NSD3: variants seen among roughly 807,000 people sequenced by gnomAD.
The protein encoded by NSD3 is histone-lysine N-methyltransferase NSD3.
In NSD3, 24 loss-of-function variants were observed where a neutral mutation model predicts 160.8. The ratio of observed to expected loss-of-function variants is 0.15; its 90% confidence interval spans 0.11 to 0.21. The LOEUF (loss-of-function observed/expected upper bound fraction) is 0.21. Among genes scored for constraint, NSD3 ranks in the 10% least tolerant of loss-of-function variants. The pLI is 1.00. For missense variants in NSD3, 1,157 were observed against 1,735.9 expected (o/e 0.67, Z 5.93); for synonymous variants, 520 against 600.0 (o/e 0.87, Z 1.95).
rs1305742516 is a variant in NSD3, at chr8:38,348,179, C to T, written c.-8G>A. On this transcript the variant is annotated 5_prime_UTR_variant, in exon 2 of 24. Transcript: ENST00000317025. ...AGAGAAAGAGAAATCCATTGTTCTG[C>T]TCCAGCATCCTTAACTTTCCCTTTC... The T allele has an allele frequency of 1.3e-6, 2 of 1,554,198 alleles. No individual in the cohort carries two copies. Among genetic ancestry groups the T allele is most frequent in the Non-Finnish European group, 1.7e-6 (2 of 1,152,376 alleles).
intron 1 of NSD3, among the ~76,000 whole-genome samples, chr8:38,352,488 A>T (rs535034917): frequency 1.3e-4 from 20 of 152,362 alleles, no homozygotes; most frequent in African/African-American, 4.8e-4. Context: ...TCTGGTTCAT[A>T]GGTAAAAGAA....
chr8:38,372,814 TAA>T (rs750072695), intron 1 of NSD3, among the ~76,000 whole-genome samples: 12 of 121,816 alleles, frequency 9.9e-5, no homozygotes, highest in African/African-American at 3.0e-4. Context: ...TTACTATTAT[TAA>T]AAAAAAAAAA....
rs1410171636 is a variant in NSD3 at position 38,318,407 on chromosome 8, A to T, written c.1855+488T>A. On this transcript the variant is annotated intron_variant, in intron 9 of 23. Transcript: ENST00000317025. This position sits in a 1 kb window ranked among gnomAD's most constrained non-coding sequence, Gnocchi z 5.3. ...ATCTCAAATAGATTCGCATAAGGTC[A>T]TCTAATAGTGGCCATAAATGCTATG... 6.6e-6 allele frequency among the ~76,000 whole-genome samples: 1 copy of T among 152,222 alleles called. No homozygotes were observed. Among genetic ancestry groups the T allele is most frequent in the Non-Finnish European group, 1.5e-5 (1 of 68,042 alleles).
chr8:38,276,185 T>G (rs930158547), intron 23 of NSD3, 111 bp downstream of exon 23: 2 of 1,257,968 alleles, frequency 1.6e-6, no homozygotes, highest in African/African-American at 3.0e-5. Flanking sequence ...AATTTTTCGC[T>G]ATTGTTTGTT....
chr8:38,318,708 G>A lies in NSD3; in HGVS notation c.1855+187C>T, dbSNP rs1247792255. ...TACCAAAACAAGTAAGACTTTTCAC[G>A]TGGAGGTACAGAATAAGATCAACTC... On this transcript the variant is annotated intron_variant, in intron 9 of 23. Transcript: ENST00000317025. This position sits in a 1 kb window ranked among gnomAD's most constrained non-coding sequence, Gnocchi z 5.3. 6.6e-6 allele frequency among the ~76,000 whole-genome samples: 1 copy of A among 152,108 alleles called. No homozygotes were observed. Among genetic ancestry groups the A allele is most frequent in the Admixed American group, 6.5e-5 (1 of 15,272 alleles).
chr8:38,330,458 G>C (rs908019046), intron 5 of NSD3, among the ~76,000 whole-genome samples: 10 of 152,138 alleles, frequency 6.6e-5, no homozygotes, highest in African/African-American at 2.4e-4. Context: ...AGGTAGACCT[G>C]AATTATAGTT....
At chr8:38,300,211 G>A (rs541111175) in intron 14 of NSD3, among the ~76,000 whole-genome samples, 1 of 152,116 alleles carries the variant, frequency 6.6e-6, no homozygotes, top group African/African-American at 2.4e-5. Flanking sequence ...ACTCAGACTG[G>A]AGGGTAGTGG....
Position 38,315,894 on chromosome 8 carries a change from AC to A in NSD3, c.1986+17del. On this transcript the variant is annotated intron_variant, in intron 10 of 23. Transcript: ENST00000317025. ...GTTCAAGAAAGAACACTTTGTCCAG[AC>A]CCTTGCACATATTTACCTGCAGGTC... 1 of 1,611,310 alleles carries A rather than the reference AC, an allele frequency of 6.2e-7. No homozygotes were observed.
chr8:38,307,372 T>C (rs1377523033), intron 12 of NSD3, among the ~76,000 whole-genome samples: 2 of 150,864 alleles, frequency 1.3e-5, no homozygotes, highest in South Asian at 2.1e-4. Flanking sequence ...CTGGCAGGAG[T>C]TTAAGTTGGA....
rs1305915753 is a variant in NSD3, at chr8:38,382,025, G to C, written c.-271C>G. 6.6e-6 allele frequency: 1 copy of C among 152,636 alleles called. No individual in the cohort carries two copies. The highest frequency in any genetic ancestry group is 2.4e-5 in the African/African-American group (1 of 41,430). The allele number at this position is 152,636 out of a possible 1,614,324, so 9.5% of individuals were successfully genotyped here. A position where few individuals can be genotyped will look rare whatever the true frequency, so the allele number is the denominator to read the frequency against. ...GCCACGGCCGGGCCGGGCCGGGCGT[G>C]CTGCGGGAAGAGGAAGGCTCGGGAG... On this transcript the variant is annotated 5_prime_UTR_variant, in exon 1 of 24. Transcript: ENST00000317025. The surrounding 1 kb of genome is among the most constrained non-coding windows in gnomAD (Gnocchi z 4.2).
At chr8:38,309,469 A>G (rs980168712) in intron 12 of NSD3, among the ~76,000 whole-genome samples, 1 of 152,110 alleles carries the variant, frequency 6.6e-6, no homozygotes, top group Non-Finnish European at 1.5e-5. Context: ...ATCTGTCTCA[A>G]TAAATAAATA....
At chr8:38,292,067 ATATC>A (rs1809008279) in intron 16 of NSD3, among the ~76,000 whole-genome samples, 1 of 152,244 alleles carries the variant, frequency 6.6e-6, no homozygotes, top group Non-Finnish European at 1.5e-5. Flanking sequence ...AGACATTTTT[ATATC>A]CATAACTTTA....
chr8:38,313,129 AT>A (rs1218268605), intron 12 of NSD3, among the ~76,000 whole-genome samples: 1 of 152,034 alleles, frequency 6.6e-6, no homozygotes, highest in Non-Finnish European at 1.5e-5. Context: ...TGAATAAAAT[AT>A]TTTATAAGGG....
intron 15 of NSD3, 127 bp downstream of exon 15, chr8:38,299,317 C>T (rs893672034): frequency 5.1e-6 from 5 of 973,150 alleles, no homozygotes; most frequent in Non-Finnish European, 7.2e-6. Flanking sequence ...ACAGTCACAA[C>T]CACCAAGGCA....
chr8:38,307,130 AAAAT>A (rs1809424245), intron 12 of NSD3, among the ~76,000 whole-genome samples: 1 of 127,494 alleles, frequency 7.8e-6, no homozygotes, highest in Admixed American at 7.7e-5. Flanking sequence ...AAAAAAAAAT[AAAAT>A]AAAATAAATA....
At chr8:38,303,482 G>T in intron 14 of NSD3, 1 of 755,440 alleles carries the variant, frequency 1.3e-6, no homozygotes, top group Non-Finnish European at 1.6e-6. Flanking sequence ...AGAAAGTAGT[G>T]TCTACTACAG....
rs1483322408 is a variant in NSD3 at position 38,274,396 on chromosome 8, AGT to A, written c.*1243_*1244del. 1 of 152,190 alleles carries A rather than the reference AGT, an allele frequency of 6.6e-6. No homozygotes were observed. The highest frequency in any genetic ancestry group is 1.9e-4 in the East Asian group (1 of 5,198). The allele number at this position is 152,190 out of a possible 1,614,324, so 9.4% of individuals were successfully genotyped here. The stretch of plus-strand genomic sequence containing the variant: ...TTTCTCCAAGTGCTTCCTAAGATGA[AGT>A]GTGTTTGTGTGGCTCTTATGCACCC... On this transcript the variant is annotated 3_prime_UTR_variant, in exon 24 of 24. Coordinates refer to ENST00000317025, the MANE Select transcript of NSD3 (RefSeq NM_023034.2).
chr8:38,336,864 G>A (rs1199233574), intron 4 of NSD3, among the ~76,000 whole-genome samples: 2 of 152,160 alleles, frequency 1.3e-5, no homozygotes, highest in Non-Finnish European at 1.5e-5. Context: ...TACAGAGGCC[G>A]GGCGCAGTGG....
chr8:38,276,302 G>A lies in NSD3; in HGVS notation c.4066C>T (p.Pro1356Ser). 2 of 1,614,114 alleles carry A rather than the reference G, an allele frequency of 1.2e-6. No individual in the cohort carries two copies. Among genetic ancestry groups the A allele is most frequent in the Non-Finnish European group, 1.7e-6 (2 of 1,180,018 alleles). The change falls in exon 23 of 24, where the codon CCA becomes TCA. Residue 1356 changes from proline (P) to serine (S), a missense_variant. Physicochemically the swap from Pro to Ser is moderately conservative, Grantham distance 74. Coordinates refer to ENST00000317025, the MANE Select transcript of NSD3 (RefSeq NM_023034.2). ...TCCTGAAGGTCCAGCTTACCATATGGTGGCTGAGTCAGGTTAAGGCATAGG... is the reference window on the plus strand; with the variant it reads ...TCCTGAAGGTCCAGCTTACCATATGATGGCTGAGTCAGGTTAAGGCATAGG... ...HLLCLNLTQP[P>S]YGKWECPWHQ...
Sources: gnomAD v4.1 joint callset for allele counts (sites outside exome capture counted in the v4.1 genomes callset) on GRCh38, gnomAD v4.1.1 for gene constraint, Gnocchi (gnomAD v3.1) non-coding constraint, MANE v1.5 for transcripts, NCBI Gene and HGNC (gene_info 2026-07-23, HGNC 2026-07-21) for gene names.